The following SLC17A6 variants were observed in gnomAD, a reference collection of about 807,000 sequenced individuals.
SLC17A6 encodes the protein solute carrier family 17 member 6, also known as vesicular glutamate transporter 2.
SLC17A6 carries 35 observed loss-of-function variants against 67.1 expected under a neutral mutation model. The observed-to-expected ratio is 0.52, with a 90% confidence interval of 0.40 to 0.69. The LOEUF (loss-of-function observed/expected upper bound fraction) is 0.69. Among genes scored for constraint, SLC17A6 ranks in the 30% least tolerant of loss-of-function variants. SLC17A6 has a pLI of 0.00. For missense variants in SLC17A6, 588 were observed against 723.9 expected (o/e 0.81, Z 2.15); for synonymous variants, 285 against 252.3 (o/e 1.13, Z -1.23).
chr11:22,342,448 C>G (rs1402906824), intron 2 of SLC17A6, among the ~76,000 whole-genome samples: 2 of 152,108 alleles, frequency 1.3e-5, no homozygotes, highest in Non-Finnish European at 2.9e-5. Context: ...TCCGGGAGAC[C>G]TTGCAAGATC....
At chr11:22,376,966 G>A (rs570550998) in intron 11 of SLC17A6, among the ~76,000 whole-genome samples, 124 of 152,208 alleles carry the variant, frequency 8.1e-4, no homozygotes, top group Non-Finnish European at 1.5e-3. Flanking sequence ...TCAAGCAGAT[G>A]TCTTCTGAGC....
intron 3 of SLC17A6, among the ~76,000 whole-genome samples, chr11:22,353,623 A>G (rs2133865518): frequency 6.6e-6 from 1 of 152,340 alleles, no homozygotes; most frequent in South Asian, 2.1e-4. Context: ...AATTTGGTCA[A>G]TAAGAATGGT....
At chr11:22,342,871 C>T (rs1382713716) in intron 2 of SLC17A6, 2 of 450,818 alleles carry the variant, frequency 4.4e-6, no homozygotes, top group Non-Finnish European at 8.8e-6. Flanking sequence ...CTGCATTGGC[C>T]GGATTCGTTA....
intron 3 of SLC17A6, among the ~76,000 whole-genome samples, chr11:22,343,686 G>C (rs571031466): frequency 6.6e-6 from 1 of 152,136 alleles, no homozygotes; most frequent in African/African-American, 2.4e-5. Flanking sequence ...AGGCAGAGCA[G>C]GGACAGTGCG....
chr11:22,373,420 G>A (rs990227175), intron 8 of SLC17A6, among the ~76,000 whole-genome samples: 2 of 151,804 alleles, frequency 1.3e-5, no homozygotes, highest in Admixed American at 6.6e-5. Context: ...AGAATAAAAA[G>A]CCTTGTACTT....
At position 22,375,865 on chromosome 11, in the gene SLC17A6, G is replaced by A; in HGVS notation, c.1175-117G>A. ...TATTATGATTATTATTAGTTTTGAA[G>A]ATAGACTCTCTGAAGTGGAATTTCT... is the stretch of plus-strand genomic sequence containing the variant. On this transcript the variant is annotated intron_variant, in intron 9 of 11. Coordinates refer to ENST00000263160, the MANE Select transcript of SLC17A6 (RefSeq NM_020346.3). 3 of 593,734 alleles carry A rather than the reference G, an allele frequency of 5.1e-6. No homozygotes were observed. The Admixed American group carries it at 8.5e-5, about 17-fold the overall frequency. The allele number at this position is 593,734 out of a possible 1,614,324, so 36.8% of individuals were successfully genotyped here. A position where few individuals can be genotyped will look rare whatever the true frequency, so the allele number is the denominator to read the frequency against.
intron 1 of SLC17A6, among the ~76,000 whole-genome samples, chr11:22,340,825 A>T (rs1855806504): frequency 6.6e-6 from 1 of 151,940 alleles, no homozygotes; most frequent in African/African-American, 2.4e-5. Context: ...CTGGGGCGGG[A>T]TGAAGGGGAA....
chr11:22,351,458 C>T (rs1229073600), intron 3 of SLC17A6, among the ~76,000 whole-genome samples: 1 of 152,118 alleles, frequency 6.6e-6, no homozygotes, highest in Non-Finnish European at 1.5e-5. Context: ...ACCATGAAGG[C>T]AGGCATACTG....
chr11:22,362,038 T>A (rs1856058754), intron 5 of SLC17A6, among the ~76,000 whole-genome samples: 1 of 152,114 alleles, frequency 6.6e-6, no homozygotes, highest in African/African-American at 2.4e-5. Flanking sequence ...TTTTTTTTTT[T>A]ACAATTGCCT....
chr11:22,378,175 C>T lies in SLC17A6; in HGVS notation c.*435C>T, dbSNP rs2593643. On this transcript the variant is annotated 3_prime_UTR_variant, in exon 12 of 12. Coordinates refer to ENST00000263160, the MANE Select transcript of SLC17A6 (RefSeq NM_020346.3). ...AGTTGGCTGCGTCAAGTAGAGGCGA[C>T]ATTTATTAAGTGAAAATCATGGAGT... is the stretch of plus-strand genomic sequence containing the variant. The T allele has an allele frequency of 0.04, 6,611 of 166,284 alleles. 452 individuals are homozygous for T. Among genetic ancestry groups the T allele is most frequent in the African/African-American group, 0.15 (6,238 of 42,174 alleles). The allele number at this position is 166,284 out of a possible 1,614,324, so 10.3% of individuals were successfully genotyped here.
At chr11:22,351,504 A>G (rs116187541) in intron 3 of SLC17A6, among the ~76,000 whole-genome samples, 2,106 of 152,252 alleles carry the variant, frequency 0.014, 51 homozygotes, top group African/African-American at 0.048. Context: ...TGAATACAGA[A>G]TCGTTTTCCC....
At chr11:22,345,868 C>T (rs1172636884) in intron 3 of SLC17A6, among the ~76,000 whole-genome samples, 1 of 152,110 alleles carries the variant, frequency 6.6e-6, no homozygotes, top group African/African-American at 2.4e-5. Flanking sequence ...CCTGATACCC[C>T]TATTATTAAC....
chr11:22,374,766 A>C lies in SLC17A6; in HGVS notation c.1053A>C (p.Leu351=), dbSNP rs750337019. 1.2e-6 allele frequency: 2 copies of C among 1,607,994 alleles called. No individual in the cohort carries two copies. The highest frequency in any genetic ancestry group is 1.7e-6 in the Non-Finnish European group (2 of 1,177,886). Residue 351 remains leucine (L), a synonymous_variant, in exon 9 of 12, where the codon CTA becomes CTC. Transcript: ENST00000263160. Reference sequence around the variant, plus strand: ...TTGTTTTTCATCAGGTTGGTATGCTATCTGCTGTGCCACACTTAGTAATGA... The same window carrying C: ...TTGTTTTTCATCAGGTTGGTATGCTCTCTGCTGTGCCACACTTAGTAATGA... ...FGFEISKVGM[L]SAVPHLVMTI... is the part of the protein sequence containing the mutation.
At chr11:22,349,402 C>A (rs534277074) in intron 3 of SLC17A6, among the ~76,000 whole-genome samples, 3 of 152,148 alleles carry the variant, frequency 2.0e-5, no homozygotes, top group Non-Finnish European at 4.4e-5. Context: ...GAGAAGCCTG[C>A]ATTTTTCTGA....
In SLC17A6 at chr11:22,355,686, C is replaced by T. The variant is rs142135503; in HGVS notation, c.459-3727C>T. On this transcript the variant is annotated intron_variant, in intron 3 of 11. Transcript: ENST00000263160. ...CAGCATCCCACTCTAGATGTTCTTC[C>T]TTCTCCTAAGAACCTGAGCCACTAT... Among the ~76,000 whole-genome samples the T allele has an allele frequency of 2.1e-3, 314 of 152,324 alleles. 3 individuals are homozygous for T. Among genetic ancestry groups the T allele is most frequent in the Middle Eastern group, 0.014 (4 of 294 alleles).
intron 4 of SLC17A6, among the ~76,000 whole-genome samples, chr11:22,360,185 A>G (rs1415612457): frequency 6.6e-6 from 1 of 152,122 alleles, no homozygotes; most frequent in Non-Finnish European, 1.5e-5. Context: ...AGAGACACAG[A>G]TGGAGCTGGA....
At chr11:22,367,529 G>A (rs1856126519) in intron 7 of SLC17A6, among the ~76,000 whole-genome samples, 1 of 152,076 alleles carries the variant, frequency 6.6e-6, no homozygotes, top group Non-Finnish European at 1.5e-5. Context: ...GTGGGTGGAA[G>A]ATTGCTAGTA....
chr11:22,353,086 A>G (rs1855959769), intron 3 of SLC17A6, among the ~76,000 whole-genome samples: 1 of 152,258 alleles, frequency 6.6e-6, no homozygotes, highest in African/African-American at 2.4e-5. Context: ...ATGCGAAATA[A>G]TCATTCTTTG....
At chr11:22,375,860 T>G in intron 9 of SLC17A6, 122 bp from the exon 10 acceptor site, 1 of 573,428 alleles carries the variant, frequency 1.7e-6, no homozygotes, top group Non-Finnish European at 3.1e-6. Context: ...ATTATTAGTT[T>G]TGAAGATAGA....
Sources: gnomAD v4.1 joint callset for allele counts (sites outside exome capture counted in the v4.1 genomes callset) on GRCh38, gnomAD v4.1.1 for gene constraint, MANE v1.5 for transcripts, NCBI Gene and HGNC (gene_info 2026-07-23, HGNC 2026-07-21) for gene names.